The following CSMD1 variants were observed in gnomAD, a reference collection of about 807,000 sequenced individuals.
The protein encoded by CSMD1 is CUB and sushi domain-containing protein 1.
A neutral mutation model predicts 417.5 loss-of-function variants in CSMD1; 213 were observed. That is an observed-to-expected ratio of 0.51 (90% CI 0.46 to 0.57). CSMD1 has a LOEUF of 0.57. Ranked by LOEUF, CSMD1 falls within the 20% of genes least tolerant of loss-of-function variation. The pLI, the probability that CSMD1 is intolerant of heterozygous loss-of-function variation, is 0.00. For missense variants in CSMD1, 6,923 were observed against 4,529.7 expected (o/e 1.53, Z -15.17); for synonymous variants, 2,862 against 1,736.8 (o/e 1.65, Z -16.11).
intron 26 of CSMD1, among the ~76,000 whole-genome samples, chr8:3,259,570 A>G (rs931493105): frequency 4.6e-5 from 7 of 152,254 alleles, no homozygotes; most frequent in African/African-American, 7.2e-5. Flanking sequence ...CTCCATTACA[A>G]TGATTAGTTG....
chr8:4,715,856 C>G (rs934755966), intron 1 of CSMD1, among the ~76,000 whole-genome samples: 1 of 152,154 alleles, frequency 6.6e-6, no homozygotes, highest in Admixed American at 6.6e-5. Flanking sequence ...GCTTGGATTA[C>G]GGGAATTGCC....
rs529859744 is a variant in CSMD1 at position 3,366,737 on chromosome 8, G to C, written c.3115+295C>G. 2.3e-4 allele frequency among the ~76,000 whole-genome samples: 35 copies of C among 152,286 alleles called. 4 individuals carry two copies. In the South Asian group the frequency reaches 7.2e-3, roughly 32 times the overall value. On this transcript the variant is annotated intron_variant, in intron 20 of 69. Coordinates refer to ENST00000635120, the MANE Select transcript of CSMD1 (RefSeq NM_033225.6). ...AGAGATCTTGTAGAGTTGGTGAAGA[G>C]AATCGAGTGAGAAGGGCTTTGCAGA...
At chr8:4,224,600 T>C (rs539748704) in intron 3 of CSMD1, among the ~76,000 whole-genome samples, 1 of 152,162 alleles carries the variant, frequency 6.6e-6, no homozygotes, top group Non-Finnish European at 1.5e-5. Context: ...TCCACCACTT[T>C]GCAAAGGTTA....
chr8:3,168,500 C>A (rs1013837284), intron 37 of CSMD1, among the ~76,000 whole-genome samples: 3 of 151,968 alleles, frequency 2.0e-5, no homozygotes, highest in African/African-American at 7.3e-5. Context: ...TCAAGTCACC[C>A]AAGGAGACAT....
At chr8:4,149,731 A>C (rs75891273) in intron 3 of CSMD1, among the ~76,000 whole-genome samples, 4,462 of 152,302 alleles carry the variant, frequency 0.029, 232 homozygotes, top group African/African-American at 0.1. Context: ...TTTTCCAAAT[A>C]ACCTCAACTC....
chr8:3,801,104 G>T (rs1038206821), intron 5 of CSMD1, among the ~76,000 whole-genome samples: 2 of 151,938 alleles, frequency 1.3e-5, no homozygotes, highest in African/African-American at 4.8e-5. Flanking sequence ...AATTAAAGAA[G>T]ACGGAAAGGT....
intron 1 of CSMD1, among the ~76,000 whole-genome samples, chr8:4,826,747 C>A (rs1169076145): frequency 2.0e-5 from 3 of 152,116 alleles, no homozygotes; most frequent in Non-Finnish European, 4.4e-5. Context: ...AATGGAGAGA[C>A]AGTTCTGTTT....
intron 23 of CSMD1, among the ~76,000 whole-genome samples, 190 bp from the exon 24 acceptor site, chr8:3,308,693 T>G (rs187086791): frequency 6.6e-6 from 1 of 150,868 alleles, no homozygotes; most frequent in Admixed American, 6.6e-5. Flanking sequence ...TGTGATTTCT[T>G]GAAGTTCGGT....
At chr8:3,331,291 G>C (rs1806879352) in intron 23 of CSMD1, among the ~76,000 whole-genome samples, 1 of 151,916 alleles carries the variant, frequency 6.6e-6, no homozygotes, top group South Asian at 2.1e-4. Flanking sequence ...ATTTCAGACT[G>C]AGGGAGCAAC....
chr8:3,230,309 G>T, intron 26 of CSMD1, 78 bp from the exon 27 acceptor site: 3 of 1,189,094 alleles, frequency 2.5e-6, no homozygotes, highest in South Asian at 1.7e-5. Flanking sequence ...TTGTTCTTGT[G>T]GGTTGAAGCA....
rs766178773 is a variant in CSMD1, at chr8:4,917,366, G to A, written c.85+76966C>T. ...CATGAGATTTGGGGCAGGGTGCGGC[G>A]GCTCACGCCTGTAACCCCAGCACTT... On this transcript the variant is annotated intron_variant, in intron 1 of 69. Transcript: ENST00000635120. 3.3e-5 allele frequency among the ~76,000 whole-genome samples: 5 copies of A among 152,180 alleles called. 1 individual carries two copies. Among genetic ancestry groups the A allele is most frequent in the Admixed American group, 2.6e-4 (4 of 15,286 alleles).
intron 3 of CSMD1, among the ~76,000 whole-genome samples, chr8:4,165,203 G>C (rs1252543756): frequency 1.3e-5 from 2 of 152,130 alleles, no homozygotes; most frequent in African/African-American, 4.8e-5. Flanking sequence ...GCAACCCAAA[G>C]AGCTACACAC....
At chr8:4,089,629 C>G (rs57767187) in intron 3 of CSMD1, among the ~76,000 whole-genome samples, 2 of 152,108 alleles carry the variant, frequency 1.3e-5, no homozygotes, top group Non-Finnish European at 1.5e-5. Flanking sequence ...GTGCACTATT[C>G]TAAGGAATAA....
intron 1 of CSMD1, among the ~76,000 whole-genome samples, chr8:4,651,517 A>T (rs141040493): frequency 6.5e-4 from 99 of 152,320 alleles, no homozygotes; most frequent in African/African-American, 2.3e-3. Flanking sequence ...GAAAAAATAA[A>T]GTTTACTGGT....
intron 3 of CSMD1, among the ~76,000 whole-genome samples, chr8:4,146,121 G>C (rs1585416198): frequency 6.6e-6 from 1 of 150,840 alleles, no homozygotes; most frequent in Admixed American, 6.6e-5. Context: ...CAGTCGGTGA[G>C]GAATTCAGAG....
chr8:3,889,776 A>G (rs1367177346), intron 5 of CSMD1, among the ~76,000 whole-genome samples: 1 of 152,048 alleles, frequency 6.6e-6, no homozygotes, highest in African/African-American at 2.4e-5. Flanking sequence ...AAAGACATAG[A>G]GAATTATATA....
intron 1 of CSMD1, among the ~76,000 whole-genome samples, chr8:4,907,665 T>G (rs541830040): frequency 2.0e-5 from 3 of 151,870 alleles, no homozygotes; most frequent in African/African-American, 7.3e-5. Flanking sequence ...GCTCTAATGA[T>G]CCTCCTAGTC....
intron 5 of CSMD1, among the ~76,000 whole-genome samples, chr8:3,941,094 T>C (rs1452982910): frequency 1.3e-5 from 2 of 152,070 alleles, no homozygotes; most frequent in Admixed American, 6.6e-5. Flanking sequence ...TTAAAATTTA[T>C]CATTTATGCT....
intron 3 of CSMD1, among the ~76,000 whole-genome samples, chr8:4,120,123 G>A (rs377113884): frequency 5.9e-5 from 9 of 152,140 alleles, no homozygotes; most frequent in African/African-American, 7.2e-5. Flanking sequence ...TCCATGATGT[G>A]AATACTACAC....
Sources: gnomAD v4.1 joint callset for allele counts (sites outside exome capture counted in the v4.1 genomes callset) on GRCh38, gnomAD v4.1.1 for gene constraint, MANE v1.5 for transcripts, NCBI Gene and HGNC (gene_info 2026-07-23, HGNC 2026-07-21) for gene names.